Variants in PEX1 observed in about 807,000 individuals in gnomAD.
PEX1 encodes the protein peroxisomal biogenesis factor 1.
A neutral mutation model predicts 152.5 loss-of-function variants in PEX1; 97 were observed. The ratio of observed to expected loss-of-function variants is 0.64; its 90% CI spans 0.54 to 0.75. PEX1 has a LOEUF of 0.75. PEX1 is among the 30% of genes least tolerant of loss of function. PEX1 has a pLI of 0.00. For synonymous variants in PEX1, 485 were observed against 531.6 expected, an observed-to-expected ratio of 0.91 and a Z score of 1.21; for missense variants, 1,357 against 1,516.3, an observed-to-expected ratio of 0.89 and a Z score of 1.74.
At chr7:92,497,026 CA>C (rs1378796376) in intron 16 of PEX1, among the ~76,000 whole-genome samples, 1 of 152,112 alleles carries the variant, frequency 6.6e-6, no homozygotes, top group Non-Finnish European at 1.5e-5. Context: ...GATCTCTGCC[CA>C]AATACCACCT....
chr7:92,497,885 T>C (rs1791728936), intron 16 of PEX1, among the ~76,000 whole-genome samples: 1 of 151,310 alleles, frequency 6.6e-6, no homozygotes, highest in Non-Finnish European at 1.5e-5. Flanking sequence ...CTGGCCAACA[T>C]GGTAAAATCC....
At chr7:92,491,575 ATAGC>A in intron 20 of PEX1, 73 bp from the exon 21 acceptor site, 1 of 873,276 alleles carries the variant, frequency 1.1e-6, no homozygotes, top group Non-Finnish European at 1.9e-6. Context: ...AATAACATAG[ATAGC>A]ATTCTATTAG....
intron 22 of PEX1, 49 bp downstream of exon 22, chr7:92,489,665 C>G (rs1226991329): frequency 1.3e-6 from 2 of 1,527,982 alleles, no homozygotes; most frequent in South Asian, 2.3e-5. Context: ...AAGGGTGAAA[C>G]AATTTTTAAG....
At chr7:92,499,545 G>C (rs1791820291) in intron 16 of PEX1, among the ~76,000 whole-genome samples, 159 bp downstream of exon 16, 1 of 152,188 alleles carries the variant, frequency 6.6e-6, no homozygotes, top group African/African-American at 2.4e-5. Flanking sequence ...GGATAAGCAA[G>C]AGGAGGAGTG....
chr7:92,501,610 C>T lies in PEX1; in HGVS notation c.2480G>A (p.Arg827Gln), dbSNP rs752937649. 21 of 1,613,744 alleles carry T rather than the reference C, an allele frequency of 1.3e-5. No homozygotes were observed. Among genetic ancestry groups the T allele is most frequent in the Middle Eastern group, 1.6e-4 (1 of 6,084 alleles). The change falls in exon 15 of 24, where the codon CGA (arginine) becomes CAA (glutamine). Residue 827 changes from arginine (R) to glutamine (Q), a missense_variant. Coordinates refer to ENST00000248633, the MANE Select transcript of PEX1 (RefSeq NM_000466.3). ...ALRGFLPASL[R>Q]SVNLHKPRDL... ...TCTAGGTTTATGCAGGTTGACACTT[C>T]GCAAAGACGCAGGAAGAAATCCGCG...
At position 92,516,008 on chromosome 7, in the gene PEX1, A is replaced by G. The variant is rs113002101; in HGVS notation, c.1239+1268T>C. On this transcript the variant is annotated intron_variant, in intron 5 of 23. Coordinates refer to ENST00000248633, the MANE Select transcript of PEX1 (RefSeq NM_000466.3). ...GCTTCTAACTCAAAAAAAGAAAAGA[A>G]AAGAGAAGAGAAGAGAAGAGAAGAG... Among the ~76,000 whole-genome samples, 336 of 103,540 alleles carry G rather than the reference A, an allele frequency of 3.2e-3. 2 individuals are homozygous for G. Among genetic ancestry groups the G allele is most frequent in the African/African-American group, 0.011 (304 of 27,804 alleles). 67.9% of individuals were successfully genotyped at this position (103,540 alleles called of 152,430 possible).
chr7:92,494,669 T>G, intron 17 of PEX1, 40 bp from the exon 18 acceptor site: 1 of 1,599,400 alleles, frequency 6.3e-7, no homozygotes, highest in African/African-American at 1.3e-5. Flanking sequence ...GAATCAGGCT[T>G]CATAGTTGGC....
At chr7:92,515,805 C>T (rs760885880) in intron 5 of PEX1, among the ~76,000 whole-genome samples, 1 of 151,626 alleles carries the variant, frequency 6.6e-6, no homozygotes, top group Non-Finnish European at 1.5e-5. Context: ...ACTAGCCTGG[C>T]CAACATGGTG....
Position 92,515,042 on chromosome 7 carries a change from G to A in PEX1, c.1240-1075C>T, listed in dbSNP as rs1265956969. Among the ~76,000 whole-genome samples, 15 of 123,752 alleles carry A rather than the reference G, an allele frequency of 1.2e-4. 1 individual carries two copies. Among genetic ancestry groups the A allele is most frequent in the African/African-American group, 4.3e-4 (14 of 32,832 alleles). The allele number at this position is 123,752 out of a possible 152,430, so 81.2% of individuals were successfully genotyped here. A position where few individuals can be genotyped will look rare whatever the true frequency, so the allele number is the denominator to read the frequency against. On this transcript the variant is annotated intron_variant, in intron 5 of 23. Coordinates refer to ENST00000248633, the MANE Select transcript of PEX1 (RefSeq NM_000466.3). Reference sequence around the variant, plus strand: ...GGCCTGGGCGACAGAGTGAGACTCCGTCTCAAGAAAAAAAAAAAAATTATC... The same window carrying A: ...GGCCTGGGCGACAGAGTGAGACTCCATCTCAAGAAAAAAAAAAAAATTATC...
intron 5 of PEX1, among the ~76,000 whole-genome samples, chr7:92,514,495 A>C (rs1004117020): frequency 2.0e-5 from 3 of 152,202 alleles, no homozygotes; most frequent in Admixed American, 2.0e-4. Context: ...GCACATTTAC[A>C]TTCAAATTAA....
intron 16 of PEX1, among the ~76,000 whole-genome samples, chr7:92,498,068 G>GAAAAAAA (rs781116048): frequency 2.0e-5 from 1 of 51,026 alleles, no homozygotes; most frequent in African/African-American, 7.4e-5. Context: ...CAGTCTCAGA[G>GAAAAAAA]AAAAAAAAAA....
At position 92,491,392 on chromosome 7, in the gene PEX1, C is replaced by T. The variant is rs1409041649; in HGVS notation, c.3318G>A (p.Gln1106=). 2 of 1,613,420 alleles carry T rather than the reference C, an allele frequency of 1.2e-6. No homozygotes were observed. Among genetic ancestry groups the T allele is most frequent in the Non-Finnish European group, 1.7e-6 (2 of 1,179,474 alleles). The stretch of plus-strand genomic sequence containing the variant: ...CGGACATCTCTAAAGAAACAAGGGA[C>T]TGATCTAAGCCACATTCTCCATCTC... ...SAGDGECGLD[Q]SLVSLEMSEI... is the part of the protein sequence containing the mutation. Residue 1106 remains glutamine (Q), a synonymous_variant, in exon 21 of 24, where the codon CAG becomes CAA. Transcript: ENST00000248633.
In PEX1 at chr7:92,519,004, C is replaced by T. The variant is rs1057517487; in HGVS notation, c.348G>A (p.Trp116Ter). 1 of 1,608,992 alleles carries T rather than the reference C, an allele frequency of 6.2e-7. No homozygotes were observed. Among genetic ancestry groups the T allele is most frequent in the Non-Finnish European group, 8.5e-7 (1 of 1,175,478 alleles). ...VEVEPLSADDWEILELHAVSL... is the reference protein window; with the variant it reads ...VEVEPLSADD ...ATTTGGTTTTCTTTACCAGTATCTC[C>T]CAATCATCTGCTGAGAGGGGTTCCA... Residue 116 changes from tryptophan (W) to a stop codon, truncating the protein, a stop_gained, in exon 3 of 24, where the codon TGG (tryptophan) becomes TGA (stop). Coordinates refer to ENST00000248633, the MANE Select transcript of PEX1 (RefSeq NM_000466.3). LOFTEE classifies it high-confidence loss of function.
intron 19 of PEX1, chr7:92,493,651 C>G (rs2116085474): frequency 6.5e-6 from 1 of 153,728 alleles, no homozygotes; most frequent in Admixed American, 6.5e-5. Context: ...AAACAAAAAC[C>G]CAAAAACCTA....
intron 6 of PEX1, among the ~76,000 whole-genome samples, chr7:92,512,812 G>T (rs1450550096): frequency 6.6e-6 from 1 of 151,282 alleles, no homozygotes; most frequent in African/African-American, 2.4e-5. Context: ...TAATTTTTTT[G>T]TAGAGATGGG....
intron 2 of PEX1, among the ~76,000 whole-genome samples, chr7:92,521,139 T>A (rs1262436671): frequency 6.6e-6 from 1 of 152,042 alleles, no homozygotes; most frequent in African/African-American, 2.4e-5. Context: ...TTTTTAATTT[T>A]TTTATAGAGA....
At chr7:92,521,638 C>T (rs975264237) in intron 2 of PEX1, among the ~76,000 whole-genome samples, 3 of 151,676 alleles carry the variant, frequency 2.0e-5, no homozygotes, top group South Asian at 2.1e-4. Context: ...GGTTTCACCA[C>T]GTTGGGCAGG....
At chr7:92,491,204 C>T in intron 21 of PEX1, 68 bp downstream of exon 21, 1 of 1,087,390 alleles carries the variant, frequency 9.2e-7, no homozygotes, top group South Asian at 1.3e-5. Flanking sequence ...GGAGAGAAAT[C>T]ACTGCAACTT....
At position 92,504,919 on chromosome 7, in the gene PEX1, T is replaced by C. The variant is rs765394932; in HGVS notation, c.1901-17A>G. The C allele has an allele frequency of 3.8e-6, 6 of 1,598,442 alleles. No homozygotes were observed. The Admixed American group carries it at 6.7e-5, about 18-fold the overall frequency. ...GCCTTTTTCCTTAATACAGAAGATA[T>C]GAAATGGTTTCAGTATCATTTCAGT... On this transcript the variant is annotated splice_polypyrimidine_tract_variant and intron_variant, in intron 11 of 23. Transcript: ENST00000248633.
Sources: allele counts gnomAD v4.1 joint callset (sites outside exome capture counted in the v4.1 genomes callset), GRCh38; gene constraint gnomAD v4.1.1; transcripts MANE v1.5; gene names NCBI Gene and HGNC (gene_info 2026-07-23, HGNC 2026-07-21).